PDE1A: variants seen among roughly 807,000 people sequenced by gnomAD.
The protein encoded by PDE1A is dual specificity calcium/calmodulin-dependent 3',5'-cyclic nucleotide phosphodiesterase 1A.
A neutral mutation model predicts 61.7 loss-of-function variants in PDE1A; 35 were observed. That is an observed-to-expected ratio of 0.57 (90% CI 0.43 to 0.75). The LOEUF is 0.75. Ranked by LOEUF, PDE1A falls within the 30% of genes least tolerant of loss-of-function variation. The pLI is 0.00. For missense variants in PDE1A, 597 were observed against 630.6 expected (o/e 0.95, Z 0.57); for synonymous variants, 232 against 213.2 (o/e 1.09, Z -0.77).
the PDE1A span, among the ~76,000 whole-genome samples, chr2:182,555,736 C>A: frequency 2.6e-5 from 4 of 151,910 alleles, no homozygotes; most frequent in African/African-American, 9.7e-5. Context: ...GAGGCTGAGG[C>A]AGGCGAATCA....
chr2:182,223,827 T>G, intron 7 of PDE1A, 37 bp downstream of exon 7: 1 of 1,218,854 alleles, frequency 8.2e-7, no homozygotes, highest in Non-Finnish European at 1.2e-6. Flanking sequence ...AAATTTCAAA[T>G]TTTAACTAAT....
chr2:182,661,125 A>G, the PDE1A span, among the ~76,000 whole-genome samples: 4 of 152,230 alleles, frequency 2.6e-5, no homozygotes, highest in Non-Finnish European at 4.4e-5. Flanking sequence ...GATGTTTAAA[A>G]ACGACAGTTT....
chr2:182,598,270 G>GA, the PDE1A span, among the ~76,000 whole-genome samples: 25 of 152,164 alleles, frequency 1.6e-4, no homozygotes, highest in African/African-American at 6.0e-4. Context: ...AAATTGTAAA[G>GA]GAAAAAGAAC....
the PDE1A span, among the ~76,000 whole-genome samples, chr2:182,669,435 G>C: frequency 6.6e-6 from 1 of 152,132 alleles, no homozygotes; most frequent in Admixed American, 6.5e-5. Flanking sequence ...AAAATTTGTT[G>C]AATTTTGCTA....
chr2:182,143,736 C>T (rs1374092687), downstream of PDE1A, among the ~76,000 whole-genome samples: 1 of 152,088 alleles, frequency 6.6e-6, no homozygotes, highest in East Asian at 1.9e-4. Context: ...AGGATGGTCT[C>T]GATCTCCTGA....
At chr2:182,684,427 C>T in the PDE1A span, among the ~76,000 whole-genome samples, 1 of 152,184 alleles carries the variant, frequency 6.6e-6, no homozygotes. Flanking sequence ...AAAGAACTCA[C>T]TAGTTTATTA....
chr2:182,276,015 C>T (rs1693383283), intron 1 of PDE1A, among the ~76,000 whole-genome samples: 4 of 152,050 alleles, frequency 2.6e-5, no homozygotes, highest in Admixed American at 2.6e-4. Flanking sequence ...AATAATACTC[C>T]TAACTCTAGA....
the PDE1A span, among the ~76,000 whole-genome samples, chr2:182,667,507 C>G: frequency 2.6e-5 from 4 of 152,198 alleles, no homozygotes; most frequent in African/African-American, 9.7e-5. Flanking sequence ...ATGTGTTTCT[C>G]ACTGCTTTCA....
intron 1 of PDE1A, among the ~76,000 whole-genome samples, chr2:182,323,035 T>C (rs1001691495): frequency 3.3e-5 from 5 of 152,164 alleles, no homozygotes; most frequent in African/African-American, 1.2e-4. Flanking sequence ...ATAACTATTC[T>C]ACATCTTGTA....
chr2:182,475,825 T>C (rs1245380827), intron 2 of PDE1A, among the ~76,000 whole-genome samples: 3 of 151,968 alleles, frequency 2.0e-5, no homozygotes, highest in African/African-American at 4.8e-5. Flanking sequence ...CCTTTCAAAA[T>C]CCTTAACTGC....
intron 1 of PDE1A, among the ~76,000 whole-genome samples, chr2:182,317,830 G>C (rs990177216): frequency 2.6e-5 from 4 of 152,090 alleles, no homozygotes; most frequent in African/African-American, 9.7e-5. Context: ...GAGAAGGTGA[G>C]CAAGAGTTAG....
At chr2:182,219,524 T>G (rs1449847413) in intron 7 of PDE1A, among the ~76,000 whole-genome samples, 1 of 152,082 alleles carries the variant, frequency 6.6e-6, no homozygotes, top group Non-Finnish European at 1.5e-5. Flanking sequence ...AGTTGAATAT[T>G]GACAACAAAT....
At chr2:182,591,151 A>G in the PDE1A span, among the ~76,000 whole-genome samples, 2 of 152,194 alleles carry the variant, frequency 1.3e-5, no homozygotes, top group African/African-American at 2.4e-5. Context: ...GTCATGCACA[A>G]TCATTAGGAT....
In PDE1A at chr2:182,366,434, GA is replaced by G. The variant is rs538254923; in HGVS notation, c.53+60143del. Among the ~76,000 whole-genome samples, 11 of 152,066 alleles carry G rather than the reference GA, an allele frequency of 7.2e-5. No individual in the cohort carries two copies. In the South Asian group the frequency reaches 2.3e-3, roughly 32 times the overall value. ...ATCTATCAATTATGATTTGCCGTTG[GA>G]TCTCTTAAAGTTCGTCACATAACCT... On this transcript the variant is annotated intron_variant, in intron 1 of 13. Transcript: ENST00000351439.
upstream of PDE1A, among the ~76,000 whole-genome samples, chr2:182,527,317 AAAAAAAAAAAAT>A (rs1690787659): frequency 1.9e-5 from 1 of 52,358 alleles, no homozygotes; most frequent in African/African-American, 8.5e-5. Flanking sequence ...AAAAAAAAAA[AAAAAAAAAAAAT>A]ATATATATAT....
the PDE1A span, among the ~76,000 whole-genome samples, chr2:182,671,782 G>A: frequency 2.3e-5 from 3 of 129,804 alleles, no homozygotes; most frequent in African/African-American, 8.3e-5. Context: ...ACCACGCCCG[G>A]CTAATTTTTT....
chr2:182,189,794 C>T (rs551955681), intron 10 of PDE1A, among the ~76,000 whole-genome samples: 1 of 152,286 alleles, frequency 6.6e-6, no homozygotes, highest in Admixed American at 6.5e-5. Flanking sequence ...CCTCTAATAT[C>T]ACAAGGTTTA....
At chr2:182,314,433 G>C (rs1419063975) in intron 1 of PDE1A, 1 of 152,122 alleles carries the variant, frequency 6.6e-6, no homozygotes, top group South Asian at 2.1e-4. Flanking sequence ...GGGTGAACTG[G>C]ACCAGGTCAG....
At chr2:182,155,988 A>G (rs1691060959) in intron 13 of PDE1A, among the ~76,000 whole-genome samples, 1 of 152,188 alleles carries the variant, frequency 6.6e-6, no homozygotes, top group African/African-American at 2.4e-5. Flanking sequence ...ATGGTAGTGA[A>G]TAAGTCTCAT....
Sources: allele counts gnomAD v4.1 joint callset (sites outside exome capture counted in the v4.1 genomes callset), GRCh38; gene constraint gnomAD v4.1.1; transcripts MANE v1.5; gene names NCBI Gene and HGNC (gene_info 2026-07-23, HGNC 2026-07-21).